Variants in METTL15 observed in about 807,000 individuals in gnomAD.
METTL15 encodes the protein 12S rRNA N(4)-cytidine methyltransferase METTL15.
Under a neutral mutation model 38.3 loss-of-function variants are expected in METTL15, and 34 were observed. The observed-to-expected ratio is 0.89, with a 90% CI of 0.68 to 1.18. The LOEUF is 1.18. Among genes scored for constraint, METTL15 ranks in the 50% most tolerant of loss-of-function variants. The probability of loss-of-function intolerance (pLI) is 0.00; values close to 1 mark genes in which losing one functional copy is unlikely to be tolerated. For missense variants in METTL15, 438 were observed against 498.4 expected (o/e 0.88, Z 1.15); for synonymous variants, 162 against 170.9 (o/e 0.95, Z 0.41).
At chr11:28,340,637 A>T (rs1201699979) in intron 3 of METTL15, among the ~76,000 whole-genome samples, 2 of 152,236 alleles carry the variant, frequency 1.3e-5, no homozygotes, top group Non-Finnish European at 2.9e-5. Flanking sequence ...ATCTCACGCC[A>T]GCTAGAATGG....
At chr11:28,507,783 G>C (rs975342416) in intron 6 of METTL15, among the ~76,000 whole-genome samples, 2 of 151,950 alleles carry the variant, frequency 1.3e-5, no homozygotes, top group Non-Finnish European at 2.9e-5. Context: ...ACCACTTCTT[G>C]TCCCGCAAAC....
chr11:28,515,208 G>C (rs1350466698), intron 6 of METTL15, among the ~76,000 whole-genome samples: 2 of 152,160 alleles, frequency 1.3e-5, no homozygotes, highest in Non-Finnish European at 2.9e-5. Flanking sequence ...GTAAATAGGA[G>C]AACCAAATCA....
intron 6 of METTL15, among the ~76,000 whole-genome samples, chr11:28,509,013 G>GTCTAAATT (rs1394308555): frequency 3.3e-5 from 5 of 152,156 alleles, no homozygotes; most frequent in Non-Finnish European, 5.9e-5. Flanking sequence ...GATATCTACT[G>GTCTAAATT]TCTAAATTTC....
intron 4 of METTL15, among the ~76,000 whole-genome samples, chr11:28,241,243 C>T (rs963312181): frequency 3.9e-5 from 6 of 152,008 alleles, no homozygotes; most frequent in Non-Finnish European, 8.8e-5. Context: ...TGATGAAAAA[C>T]AACCAGAGGG....
intron 6 of METTL15, among the ~76,000 whole-genome samples, chr11:28,496,039 T>G (rs2133485368): frequency 6.6e-6 from 1 of 152,340 alleles, no homozygotes; most frequent in South Asian, 2.1e-4. Context: ...TCATTGATCC[T>G]GGCACAAATA....
At chr11:28,390,124 A>G (rs1447593176) in intron 5 of METTL15, among the ~76,000 whole-genome samples, 4 of 151,906 alleles carry the variant, frequency 2.6e-5, no homozygotes, top group Non-Finnish European at 5.9e-5. Context: ...GATTCTGGAT[A>G]TTAGCCCTTT....
chr11:28,350,731 A>G (rs1471965298), intron 3 of METTL15, among the ~76,000 whole-genome samples: 2 of 152,218 alleles, frequency 1.3e-5, no homozygotes, highest in African/African-American at 4.8e-5. Context: ...AATTGATGCT[A>G]TCAATCAATA....
chr11:28,125,461 G>C (rs965026509), intron 3 of METTL15: 1 of 151,920 alleles, frequency 6.6e-6, no homozygotes, highest in Non-Finnish European at 1.5e-5. Context: ...TTGGATAAAC[G>C]AGTATCCATC....
chr11:28,108,974 T>C (rs1160510501), intron 1 of METTL15, among the ~76,000 whole-genome samples: 1 of 152,350 alleles, frequency 6.6e-6, no homozygotes, highest in East Asian at 1.9e-4. Flanking sequence ...TGAATTTCAT[T>C]GTTCTATATA....
chr11:28,429,750 C>T (rs1219663004), intron 6 of METTL15, among the ~76,000 whole-genome samples: 5 of 50,592 alleles, frequency 9.9e-5, no homozygotes, highest in African/African-American at 1.6e-4. Context: ...CCCAAAGTGC[C>T]GAGATTGCAG....
At chr11:28,483,206 C>T (rs1182048202) in intron 6 of METTL15, among the ~76,000 whole-genome samples, 1 of 152,128 alleles carries the variant, frequency 6.6e-6, no homozygotes, top group Non-Finnish European at 1.5e-5. Context: ...ACTTTGAGCT[C>T]ACTACATGTT....
intron 4 of METTL15, among the ~76,000 whole-genome samples, chr11:28,212,506 G>GGAGAAGGGACTT (rs1178475876): frequency 6.6e-6 from 1 of 152,088 alleles, no homozygotes; most frequent in East Asian, 1.9e-4. Flanking sequence ...CAGTCCCTTT[G>GGAGAAGGGACTT]TACCTGAGGA....
At chr11:28,119,933 T>A (rs1055856583) in intron 3 of METTL15, among the ~76,000 whole-genome samples, 1 of 152,174 alleles carries the variant, frequency 6.6e-6, no homozygotes, top group African/African-American at 2.4e-5. Context: ...ACCAATGGCA[T>A]AGCACCTAGA....
At chr11:28,504,451 A>G (rs1851610884) in intron 6 of METTL15, among the ~76,000 whole-genome samples, 1 of 152,228 alleles carries the variant, frequency 6.6e-6, no homozygotes, top group African/African-American at 2.4e-5. Flanking sequence ...GAATTTTTAA[A>G]AAGCCATTAG....
At chr11:28,148,298 T>C (rs1196004779) in intron 3 of METTL15, among the ~76,000 whole-genome samples, 2 of 151,932 alleles carry the variant, frequency 1.3e-5, no homozygotes, top group Non-Finnish European at 2.9e-5. Context: ...TAAAAGTCAG[T>C]AGGTTATGGT....
intron 5 of METTL15, among the ~76,000 whole-genome samples, chr11:28,375,382 G>T (rs972367674): frequency 7.2e-5 from 11 of 151,904 alleles, no homozygotes; most frequent in African/African-American, 2.7e-4. Flanking sequence ...ACTTCTTCCT[G>T]GTTTAGTCTT....
intron 3 of METTL15, among the ~76,000 whole-genome samples, chr11:28,172,695 C>T (rs1291471689): frequency 6.6e-6 from 1 of 152,160 alleles, no homozygotes; most frequent in Non-Finnish European, 1.5e-5. Flanking sequence ...TATTCATTGT[C>T]TCAGACATTG....
chr11:28,452,947 A>C (rs1395120305), intron 6 of METTL15, among the ~76,000 whole-genome samples: 1 of 152,166 alleles, frequency 6.6e-6, no homozygotes, highest in Non-Finnish European at 1.5e-5. Flanking sequence ...TGAAAAGTCC[A>C]TTCATTAACC....
chr11:28,324,978 C>T (rs1271321296), intron 6 of METTL15, among the ~76,000 whole-genome samples: 2 of 152,178 alleles, frequency 1.3e-5, no homozygotes, highest in Non-Finnish European at 2.9e-5. Context: ...TGCCCCCATG[C>T]CTGCAGCTGC....
Sources: allele counts gnomAD v4.1 joint callset (sites outside exome capture counted in the v4.1 genomes callset), GRCh38; gene constraint gnomAD v4.1.1; transcripts MANE v1.5; gene names NCBI Gene and HGNC (gene_info 2026-07-23, HGNC 2026-07-21).